PCDH17: variants seen among roughly 807,000 people sequenced by gnomAD.
PCDH17 encodes protocadherin-17.
Under a neutral mutation model 67.7 loss-of-function variants are expected in PCDH17, and 21 were observed. That is an observed-to-expected ratio of 0.31 (90% confidence interval 0.22 to 0.45). The LOEUF is 0.45. PCDH17 is among the 20% of genes least tolerant of loss of function. The pLI, the probability that PCDH17 is intolerant of heterozygous loss-of-function variation, is 1.00. For synonymous variants in PCDH17, 701 were observed against 656.7 expected (o/e 1.07, Z -1.03); for missense variants, 1,471 against 1,564.8 (o/e 0.94, Z 1.01).
chr13:57,655,485 G>T (rs1272928152), intron 1 of PCDH17, among the ~76,000 whole-genome samples: 3 of 151,764 alleles, frequency 2.0e-5, no homozygotes, highest in African/African-American at 7.2e-5. Context: ...TAGTTATTTT[G>T]TTTGTGTGTG....
At chr13:57,678,367 A>G (rs950049689) in intron 3 of PCDH17, among the ~76,000 whole-genome samples, 1 of 151,594 alleles carries the variant, frequency 6.6e-6, no homozygotes. Context: ...GTATCAATAT[A>G]CTGAGGCAGT....
chr13:57,647,904 C>T (rs928545594), intron 1 of PCDH17, among the ~76,000 whole-genome samples: 1 of 151,822 alleles, frequency 6.6e-6, no homozygotes, highest in East Asian at 1.9e-4. Context: ...TCTTTCCATA[C>T]TTATGACTAT....
At chr13:57,701,211 A>C (rs1047352942) in intron 3 of PCDH17, among the ~76,000 whole-genome samples, 2 of 152,188 alleles carry the variant, frequency 1.3e-5, no homozygotes, top group African/African-American at 4.8e-5. Flanking sequence ...AAAAGCTAGC[A>C]TTATCTTTCA....
At chr13:57,719,355 C>T (rs1955853817) in intron 3 of PCDH17, among the ~76,000 whole-genome samples, 1 of 151,882 alleles carries the variant, frequency 6.6e-6, no homozygotes, top group Non-Finnish European at 1.5e-5. Flanking sequence ...GTCCTTTTCC[C>T]CTGGCCACAA....
intron 3 of PCDH17, among the ~76,000 whole-genome samples, chr13:57,686,874 TTAC>T (rs1169030319): frequency 6.6e-6 from 1 of 152,044 alleles, no homozygotes; most frequent in Non-Finnish European, 1.5e-5. Context: ...GAAGGGATGC[TTAC>T]AATTTTTCAG....
intron 3 of PCDH17, among the ~76,000 whole-genome samples, chr13:57,700,845 G>T (rs1025612261): frequency 6.6e-6 from 1 of 151,962 alleles, no homozygotes; most frequent in Non-Finnish European, 1.5e-5. Flanking sequence ...GGTTATTTTC[G>T]CAGTGTTCAA....
intron 1 of PCDH17, among the ~76,000 whole-genome samples, chr13:57,662,119 A>G (rs758947914): frequency 6.6e-6 from 1 of 151,970 alleles, no homozygotes; most frequent in Non-Finnish European, 1.5e-5. Context: ...CACCCACCTT[A>G]CCCTCCCAAA....
intron 3 of PCDH17, among the ~76,000 whole-genome samples, chr13:57,697,127 A>G (rs1955618050): frequency 6.6e-6 from 1 of 151,620 alleles, no homozygotes; most frequent in Non-Finnish European, 1.5e-5. Flanking sequence ...TCAGTTTTCA[A>G]ATGCCCCTCT....
In PCDH17 at chr13:57,725,067, C is replaced by G. The variant is rs1955903246; in HGVS notation, c.3253C>G (p.Pro1085Ala). Residue 1085 changes from proline to alanine, a missense_variant, in exon 4 of 4, where the codon CCA (proline) becomes GCA (alanine). Pro to Ala is a conservative substitution (Grantham distance 27). This residue lies in a region of PCDH17 where 297 missense variants were observed against 298.6 expected (regional missense o/e 0.99). Transcript: ENST00000377918. Reference protein sequence around the residue: ...DSQYLSPSKQPRDPPFMASDQ... With the variant: ...DSQYLSPSKQARDPPFMASDQ... ...TCAATATCTGTCACCTAGTAAGCAA[C>G]CAAGAGACCCTCCCTTCATGGCTTC... 3 of 1,614,022 alleles carry G rather than the reference C, an allele frequency of 1.9e-6. No homozygotes were observed. Among genetic ancestry groups the G allele is most frequent in the Non-Finnish European group, 2.5e-6 (3 of 1,180,010 alleles).
chr13:57,633,030 G>A lies in PCDH17; in HGVS notation c.484G>A (p.Gly162Ser), dbSNP rs376882211. 7.4e-6 allele frequency: 12 copies of A among 1,612,866 alleles called. No homozygotes were observed. In the African/African-American group the frequency reaches 1.5e-4, roughly 20 times the overall value. ...PLTSAHDPDA[G>S]ENGLRTYLLT... is the part of the protein sequence containing the mutation. ...CACCAGCGCACATGACCCCGACGCC[G>A]GCGAGAATGGGCTCCGCACCTACCT... Residue 162 changes from glycine to serine, a missense_variant, in exon 1 of 4, where the codon GGC (glycine) becomes AGC (serine). Transcript: ENST00000377918. The surrounding 1 kb of genome is among the most constrained non-coding windows in gnomAD (Gnocchi z 6.2).
intron 3 of PCDH17, among the ~76,000 whole-genome samples, chr13:57,691,389 C>G (rs1238842112): frequency 1.3e-5 from 2 of 150,920 alleles, no homozygotes; most frequent in African/African-American, 4.8e-5. Flanking sequence ...TATTTCAGGA[C>G]AAATCTGAAC....
At chr13:57,659,369 A>G (rs1010791693) in intron 1 of PCDH17, among the ~76,000 whole-genome samples, 1 of 151,892 alleles carries the variant, frequency 6.6e-6, no homozygotes, top group Non-Finnish European at 1.5e-5. Context: ...TGAGGTCTTT[A>G]TTTTTCTCAT....
chr13:57,649,183 T>G (rs1156988866), intron 1 of PCDH17, among the ~76,000 whole-genome samples: 1 of 152,092 alleles, frequency 6.6e-6, no homozygotes, highest in African/African-American at 2.4e-5. Context: ...TGGAAACTTG[T>G]TAAGTATGAA....
chr13:57,679,868 A>T (rs1955431911), intron 3 of PCDH17, among the ~76,000 whole-genome samples: 1 of 151,532 alleles, frequency 6.6e-6, no homozygotes, highest in African/African-American at 2.4e-5. Flanking sequence ...GTTAGAAAAC[A>T]ATAGACAATA....
chr13:57,722,439 T>A (rs1682642734), intron 3 of PCDH17, among the ~76,000 whole-genome samples: 1 of 152,200 alleles, frequency 6.6e-6, no homozygotes. Context: ...TTTCTACTTT[T>A]CCTTCTTTCT....
At chr13:57,690,545 T>C (rs4142428) in intron 3 of PCDH17, among the ~76,000 whole-genome samples, 126,279 of 151,418 alleles carry the variant, frequency 0.83, 53,081 homozygotes, top group African/African-American at 0.94. Context: ...AAAATTATTG[T>C]CATAATATTC....
chr13:57,659,854 T>C (rs554863267), intron 1 of PCDH17, among the ~76,000 whole-genome samples: 2 of 152,284 alleles, frequency 1.3e-5, no homozygotes, highest in African/African-American at 4.8e-5. Context: ...TTGCAACAAG[T>C]GCAGTTTGAA....
At chr13:57,639,927 C>CA (rs1471521967) in intron 1 of PCDH17, among the ~76,000 whole-genome samples, 2 of 151,876 alleles carry the variant, frequency 1.3e-5, no homozygotes, top group East Asian at 3.9e-4. Flanking sequence ...ACTAAACACA[C>CA]AAAATCCCCC....
Position 57,632,436 on chromosome 13 carries a change from A to C in PCDH17, c.-111A>C. 1 of 1,110,136 alleles carries C rather than the reference A, an allele frequency of 9.0e-7. No individual in the cohort carries two copies. 68.8% of individuals were successfully genotyped at this position (1,110,136 alleles called of 1,614,324 possible). A position where few individuals can be genotyped will look rare whatever the true frequency, so the allele number is the denominator to read the frequency against. ...TGCAGAGGGAAAAAAGGACCCATAGACTTGTGGCTCGCGTCGCGCGCGCAC... is the reference window on the plus strand; with the variant it reads ...TGCAGAGGGAAAAAAGGACCCATAGCCTTGTGGCTCGCGTCGCGCGCGCAC... On this transcript the variant is annotated 5_prime_UTR_variant, in exon 1 of 4. Coordinates refer to ENST00000377918, the MANE Select transcript of PCDH17 (RefSeq NM_001040429.3).
Sources: gnomAD v4.1 joint callset for allele counts (sites outside exome capture counted in the v4.1 genomes callset) on GRCh38, gnomAD v4.1.1 for gene constraint, gnomAD v4.1.1 regional missense constraint, Gnocchi (gnomAD v3.1) non-coding constraint, MANE v1.5 for transcripts, NCBI Gene and HGNC (gene_info 2026-07-23, HGNC 2026-07-21) for gene names.